AP2A2: variants seen among roughly 807,000 people sequenced by gnomAD.
AP2A2 encodes AP-2 complex subunit alpha-2.
Under a neutral mutation model 104.2 loss-of-function variants are expected in AP2A2, and 32 were observed. The ratio of observed to expected loss-of-function variants is 0.31; its 90% CI spans 0.23 to 0.41. The LOEUF (loss-of-function observed/expected upper bound fraction) is 0.41, where lower values mean the gene tolerates loss of function less well. AP2A2 is among the 10% of genes least tolerant of loss of function. AP2A2 has a pLI of 1.00. For missense variants in AP2A2, 912 were observed against 1,261.0 expected (o/e 0.72, Z 4.19); for synonymous variants, 539 against 533.3 (o/e 1.01, Z -0.15).
chr11:964,303 C>T (rs140136961), intron 2 of AP2A2, among the ~76,000 whole-genome samples: 27 of 152,370 alleles, frequency 1.8e-4, no homozygotes, highest in African/African-American at 5.3e-4. Context: ...TGGGGCATCA[C>T]GAACCATCCT....
chr11:964,773 TGC>T (rs1854556234), intron 2 of AP2A2, among the ~76,000 whole-genome samples: 2 of 145,826 alleles, frequency 1.4e-5, no homozygotes, highest in Non-Finnish European at 1.5e-5. Flanking sequence ...TTAAAGGAAA[TGC>T]CAAAGGAAAT....
At chr11:1,004,607 C>A (rs557198744) in intron 16 of AP2A2, among the ~76,000 whole-genome samples, 4 of 151,978 alleles carry the variant, frequency 2.6e-5, no homozygotes, top group Admixed American at 1.3e-4. Context: ...GAGACCCCAT[C>A]TCTACAAAAA....
Position 1,007,738 on chromosome 11 carries a change from C to T in AP2A2, c.2297-274C>T, listed in dbSNP as rs577367495. The stretch of plus-strand genomic sequence containing the variant: ...AAATTGTGTGTGTAAGACCCAGAGC[C>T]GAGGCTCAGAGTGAAAACAGACAAG... On this transcript the variant is annotated intron_variant, in intron 17 of 21. Transcript: ENST00000448903. 13 of 542,390 alleles carry T rather than the reference C, an allele frequency of 2.4e-5. No individual in the cohort carries two copies. In the Admixed American group the frequency reaches 3.4e-4, roughly 14 times the overall value. The allele number at this position is 542,390 out of a possible 1,614,324, so 33.6% of individuals were successfully genotyped here.
intron 2 of AP2A2, among the ~76,000 whole-genome samples, chr11:959,706 C>T (rs1210223069): frequency 1.3e-5 from 2 of 152,230 alleles, no homozygotes; most frequent in African/African-American, 4.8e-5. Flanking sequence ...GGTGTCTGGT[C>T]TTTTCCTGGA....
At chr11:931,303 T>G (rs184015395) in intron 1 of AP2A2, among the ~76,000 whole-genome samples, 1 of 152,216 alleles carries the variant, frequency 6.6e-6, no homozygotes, top group African/African-American at 2.4e-5. Context: ...TTTGGAACTT[T>G]CGTTTGTTTT....
intron 6 of AP2A2, among the ~76,000 whole-genome samples, chr11:982,751 A>G (rs1855293086): frequency 6.6e-6 from 1 of 151,018 alleles, no homozygotes; most frequent in African/African-American, 2.4e-5. Context: ...CCCAGGTTCA[A>G]GCGGTTCTCC....
chr11:986,282 G>A (rs1232826115), intron 8 of AP2A2, among the ~76,000 whole-genome samples: 1 of 152,270 alleles, frequency 6.6e-6, no homozygotes, highest in Non-Finnish European at 1.5e-5. Flanking sequence ...CAGTCTGAGA[G>A]TCACACTTCA....
chr11:981,430 C>G (rs1855236857), intron 6 of AP2A2, 131 bp downstream of exon 6: 1 of 743,594 alleles, frequency 1.3e-6, no homozygotes, highest in African/African-American at 1.8e-5. Context: ...CTTGGCTTCT[C>G]TGTCAGCCTT....
chr11:977,038 T>G lies in AP2A2; in HGVS notation c.474-57T>G, dbSNP rs1855067074. 2.7e-5 allele frequency: 44 copies of G among 1,607,268 alleles called. No homozygotes were observed. The South Asian group carries it at 4.8e-4, about 17-fold the overall frequency. On this transcript the variant is annotated intron_variant, in intron 4 of 21. Coordinates refer to ENST00000448903, the MANE Select transcript of AP2A2 (RefSeq NM_012305.4). ...CTGCTGGCTCTGGGGGGGTGCTCCGTGCAGCTCTGCGCTGTCTTCAGCCTG... is the reference window on the plus strand; with the variant it reads ...CTGCTGGCTCTGGGGGGGTGCTCCGGGCAGCTCTGCGCTGTCTTCAGCCTG...
chr11:1,000,326 T>TGGATGCCAAGG, intron 14 of AP2A2, 106 bp from the exon 15 acceptor site: 1 of 1,166,070 alleles, frequency 8.6e-7, no homozygotes. Context: ...TGGGAGTGCA[T>TGGATGCCAAGG]GGATGCCAAG....
At chr11:999,009 G>A (rs1005845153) in intron 14 of AP2A2, among the ~76,000 whole-genome samples, 2 of 151,970 alleles carry the variant, frequency 1.3e-5, no homozygotes, top group African/African-American at 2.4e-5. Flanking sequence ...CTTTTTATAG[G>A]GAGCATCTGA....
rs369811595 is a variant in AP2A2 at position 1,006,532 on chromosome 11, G to A, written c.2211G>A (p.Arg737=). ...AATTGTTTTTGTTCCTTCTAGGTCG[G>A]ATGTTTATCTTTTATGGTAATAAGA... The part of the protein sequence containing the change: ...LKSEFRQNLG[R]MFIFYGNKTS... The change falls in exon 17 of 22, where the codon CGG becomes CGA. Residue 737 remains arginine (R), a synonymous_variant. Transcript: ENST00000448903. 11 of 1,612,420 alleles carry A rather than the reference G, an allele frequency of 6.8e-6. No homozygotes were observed. The African/African-American group carries it at 1.1e-4, about 16-fold the overall frequency.
At chr11:988,450 C>T (rs1855536635) in intron 9 of AP2A2, 102 bp from the exon 10 acceptor site, 2 of 1,441,220 alleles carry the variant, frequency 1.4e-6, no homozygotes, top group South Asian at 1.2e-5. Flanking sequence ...GTGAGGGAAA[C>T]TCAGAGTGGG....
intron 2 of AP2A2, among the ~76,000 whole-genome samples, chr11:961,829 C>T (rs1276401033): frequency 9.6e-5 from 13 of 134,886 alleles, no homozygotes; most frequent in African/African-American, 3.8e-4. Context: ...AAGTAAAGGG[C>T]GGAAGCAGAT....
rs180889980 is a variant in AP2A2, at chr11:951,862, C to A, written c.68-7575C>A. ...GTCAATTTTGGGCTTTTGGGTTACT[C>A]GGCGGAATCACTTTATTTCTTTGAG... On this transcript the variant is annotated intron_variant, in intron 1 of 21. Coordinates refer to ENST00000448903, the MANE Select transcript of AP2A2 (RefSeq NM_012305.4). Among the ~76,000 whole-genome samples the A allele has an allele frequency of 5.9e-4, 90 of 152,194 alleles. 1 individual carries two copies. Among genetic ancestry groups the A allele is most frequent in the Non-Finnish European group, 1.0e-3 (69 of 68,004 alleles).
At chr11:978,277 A>G (rs540515058) in intron 5 of AP2A2, among the ~76,000 whole-genome samples, 4 of 152,136 alleles carry the variant, frequency 2.6e-5, no homozygotes, top group South Asian at 2.1e-4. Context: ...TTCTGCAGAC[A>G]GGATCTGTGC....
At position 951,669 on chromosome 11, in the gene AP2A2, C is replaced by T. The variant is rs561504962; in HGVS notation, c.68-7768C>T. Among the ~76,000 whole-genome samples the T allele has an allele frequency of 4.6e-5, 7 of 152,182 alleles. No homozygotes were observed. In the South Asian group the frequency reaches 1.5e-3, roughly 32 times the overall value. On this transcript the variant is annotated intron_variant, in intron 1 of 21. Transcript: ENST00000448903. ...GCACACCCATTTGAAGAAGAGAAAC[C>T]GAGGCAGGTTGCGGTTAAGTTGATA...
At chr11:973,717 A>G (rs1193762078) in intron 4 of AP2A2, among the ~76,000 whole-genome samples, 2 of 152,182 alleles carry the variant, frequency 1.3e-5, no homozygotes, top group Non-Finnish European at 2.9e-5. Flanking sequence ...GGTCGAAACC[A>G]GCCAGCAGGT....
Position 1,011,808 on chromosome 11 carries a change from T to C in AP2A2, c.*1183T>C. 1 of 298,568 alleles carries C rather than the reference T, an allele frequency of 3.3e-6. No individual in the cohort carries two copies. Among genetic ancestry groups the C allele is most frequent in the African/African-American group, 2.2e-5 (1 of 45,280 alleles). The allele number at this position is 298,568 out of a possible 1,614,324, so 18.5% of individuals were successfully genotyped here. On this transcript the variant is annotated 3_prime_UTR_variant, in exon 22 of 22. Coordinates refer to ENST00000448903, the MANE Select transcript of AP2A2 (RefSeq NM_012305.4). ...CTCAGTTGCCTGCTGTGCGGGTCCC[T>C]GGGGCAGCTGCAGGGGCTCATGGAC... is the stretch of plus-strand genomic sequence containing the variant.
Sources: gnomAD v4.1 joint callset for allele counts (sites outside exome capture counted in the v4.1 genomes callset) on GRCh38, gnomAD v4.1.1 for gene constraint, MANE v1.5 for transcripts, NCBI Gene and HGNC (gene_info 2026-07-23, HGNC 2026-07-21) for gene names.